SIDT1: variants seen among roughly 807,000 people sequenced by gnomAD.
SIDT1 encodes SID1 transmembrane family member 1.
In SIDT1, 101 loss-of-function variants were observed where a neutral mutation model predicts 107.5. The ratio of observed to expected loss-of-function variants is 0.94; its 90% CI spans 0.80 to 1.11. SIDT1 has a LOEUF of 1.11. SIDT1 is among the 50% of genes least tolerant of loss of function. The pLI, the probability that SIDT1 is intolerant of heterozygous loss-of-function variation, is 0.00. For synonymous variants in SIDT1, 395 were observed against 398.2 expected (o/e 0.99, Z 0.10); for missense variants, 1,076 against 1,058.2 (o/e 1.02, Z -0.23).
intron 2 of SIDT1, among the ~76,000 whole-genome samples, chr3:113,567,231 G>C (rs1020267570): frequency 2.0e-5 from 3 of 152,166 alleles, no homozygotes; most frequent in Admixed American, 2.0e-4. Flanking sequence ...TATCATGACA[G>C]TTTCCCCATC....
Position 113,584,752 on chromosome 3 carries a change from T to C in SIDT1, c.890T>C (p.Ile297Thr), listed in dbSNP as rs1442926456. ...CGAAAAAAGAACCTTGAAGTGACCA[T>C]TGTCCCTTCCATTAAAGGTCAGTGT... is the stretch of plus-strand genomic sequence containing the variant. ...LQRKKNLEVT[I>T]VPSIKESVYV... Residue 297 changes from isoleucine (I) to threonine (T), a missense_variant, in exon 8 of 25, where the codon ATT becomes ACT. Physicochemically the swap from Ile to Thr is moderately conservative, Grantham distance 89. Transcript: ENST00000264852. The C allele has an allele frequency of 3.1e-6, 5 of 1,595,214 alleles. No individual in the cohort carries two copies. Among genetic ancestry groups the C allele is most frequent in the Non-Finnish European group, 4.3e-6 (5 of 1,174,800 alleles).
chr3:113,575,308 C>G (rs758405345), intron 3 of SIDT1, among the ~76,000 whole-genome samples: 11 of 152,292 alleles, frequency 7.2e-5, no homozygotes, highest in Middle Eastern at 3.4e-3. Flanking sequence ...AGTCATGTCG[C>G]CAGCCAAGAA....
intron 14 of SIDT1, among the ~76,000 whole-genome samples, chr3:113,605,515 C>G (rs1945264189): frequency 6.6e-6 from 1 of 152,256 alleles, no homozygotes; most frequent in Non-Finnish European, 1.5e-5. Context: ...TTTTGTCTAC[C>G]AGTCTGAAAG....
intron 1 of SIDT1, among the ~76,000 whole-genome samples, chr3:113,565,652 C>G (rs1321415108): frequency 6.6e-6 from 1 of 152,176 alleles, no homozygotes; most frequent in East Asian, 1.9e-4. Context: ...TGTGTGTATT[C>G]AGAAAGACCC....
At chr3:113,541,980 A>T (rs1288556128) in intron 1 of SIDT1, among the ~76,000 whole-genome samples, 2 of 148,212 alleles carry the variant, frequency 1.3e-5, no homozygotes, top group Non-Finnish European at 3.0e-5. Context: ...TTGGAGTGCA[A>T]TGGCACGATC....
At chr3:113,559,848 T>A (rs1001988403) in intron 1 of SIDT1, among the ~76,000 whole-genome samples, 1 of 152,206 alleles carries the variant, frequency 6.6e-6, no homozygotes, top group Non-Finnish European at 1.5e-5. Context: ...ATATTTTGTC[T>A]GTTTTACATG....
chr3:113,549,687 C>A (rs1342383399), intron 1 of SIDT1, among the ~76,000 whole-genome samples: 1 of 152,156 alleles, frequency 6.6e-6, no homozygotes, highest in African/African-American at 2.4e-5. Context: ...TTCTCCCTGT[C>A]TGAGCCTTGC....
intron 9 of SIDT1, among the ~76,000 whole-genome samples, chr3:113,585,630 T>C (rs935546803): frequency 1.3e-5 from 2 of 152,226 alleles, no homozygotes; most frequent in Non-Finnish European, 1.5e-5. Context: ...CAGTTTATCC[T>C]AACATGGAGA....
intron 19 of SIDT1, among the ~76,000 whole-genome samples, chr3:113,613,321 C>T (rs1464345824): frequency 1.3e-5 from 2 of 152,210 alleles, no homozygotes; most frequent in Non-Finnish European, 2.9e-5. Flanking sequence ...GGCAGGTAGA[C>T]ACTTCTGGCT....
intron 10 of SIDT1, among the ~76,000 whole-genome samples, chr3:113,597,058 T>C (rs1340743529): frequency 6.6e-6 from 1 of 152,186 alleles, no homozygotes; most frequent in East Asian, 1.9e-4. Context: ...CTACTCTTCT[T>C]TTTCTAGTTT....
chr3:113,564,816 A>G (rs765446516), intron 1 of SIDT1, among the ~76,000 whole-genome samples: 1 of 152,128 alleles, frequency 6.6e-6, no homozygotes, highest in Non-Finnish European at 1.5e-5. Context: ...TATGGTGGCA[A>G]TTTTCAGCTG....
chr3:113,613,502 C>T (rs544201345), intron 19 of SIDT1, among the ~76,000 whole-genome samples: 3 of 152,196 alleles, frequency 2.0e-5, no homozygotes, highest in African/African-American at 4.8e-5. Context: ...AGCAATTGCT[C>T]GTTTTCAAAG....
rs1946178224 is a variant in SIDT1 at position 113,617,337 on chromosome 3, C to T, written c.2043+1161C>T. ...GTGTATTATATATTTCTATAGTGAG[C>T]CCAGAGCTCAGGGCCCTGGTCCCAG... is the stretch of plus-strand genomic sequence containing the variant. On this transcript the variant is annotated intron_variant, in intron 20 of 24. Transcript: ENST00000264852. 1.3e-5 allele frequency among the ~76,000 whole-genome samples: 2 copies of T among 152,174 alleles called. 1 individual carries two copies. The highest frequency in any genetic ancestry group is 4.8e-5 in the African/African-American group (2 of 41,450).
Position 113,608,210 on chromosome 3 carries a change from T to A in SIDT1, c.1595T>A (p.Phe532Tyr), listed in dbSNP as rs1576942108. The change falls in exon 16 of 25, where the codon TTT (phenylalanine) becomes TAT (tyrosine). Residue 532 changes from phenylalanine (F) to tyrosine (Y), a missense_variant. By Grantham distance (22) the Phe-to-Tyr change is conservative (BLOSUM62 3). Coordinates refer to ENST00000264852, the MANE Select transcript of SIDT1 (RefSeq NM_017699.3). ...AGAGCCCTGGAAGCCAAGGACATCT[T>A]TGCTGTGGTGAGGAAAGAGTGGGTA... Reference protein sequence around the residue: ...HRRALEAKDIFAVEYGIPKHF... With the variant: ...HRRALEAKDIYAVEYGIPKHF... 1 of 1,593,940 alleles carries A rather than the reference T, an allele frequency of 6.3e-7. No homozygotes were observed. The highest frequency in any genetic ancestry group is 2.2e-5 in the East Asian group (1 of 44,640).
chr3:113,611,320 G>A (rs1945723710), intron 18 of SIDT1, among the ~76,000 whole-genome samples, 176 bp downstream of exon 18: 1 of 152,090 alleles, frequency 6.6e-6, no homozygotes, highest in Non-Finnish European at 1.5e-5. Context: ...CCCACTCATG[G>A]CACACTTTTA....
chr3:113,556,498 C>T (rs1940871218), intron 1 of SIDT1, among the ~76,000 whole-genome samples: 1 of 152,088 alleles, frequency 6.6e-6, no homozygotes, highest in African/African-American at 2.4e-5. Flanking sequence ...CTTCGCTCAG[C>T]CAGCTGTAAC....
In SIDT1 at chr3:113,601,529, GTGT is replaced by G. The variant is rs954041792; in HGVS notation, c.1046-54_1046-52del. On this transcript the variant is annotated intron_variant, in intron 10 of 24. Transcript: ENST00000264852. ...CTGATGATTCAAGCTACTTAGAATAGTGTTGTTTTGTTTTAGCAACTGGACATA... is the reference window on the plus strand; with the variant it reads ...CTGATGATTCAAGCTACTTAGAATAGTGTTTTGTTTTAGCAACTGGACATA... 1.7e-5 allele frequency: 19 copies of G among 1,124,202 alleles called. No homozygotes were observed. The Admixed American group carries it at 2.7e-4, about 16-fold the overall frequency. The allele number at this position is 1,124,202 out of a possible 1,614,324, so 69.6% of individuals were successfully genotyped here. A position where few individuals can be genotyped will look rare whatever the true frequency, so the allele number is the denominator to read the frequency against.
intron 3 of SIDT1, among the ~76,000 whole-genome samples, chr3:113,568,464 G>A (rs1045013178): frequency 2.6e-5 from 4 of 151,674 alleles, no homozygotes; most frequent in Non-Finnish European, 5.9e-5. Context: ...CACGGTGGCG[G>A]GCACCTGTAA....
intron 1 of SIDT1, among the ~76,000 whole-genome samples, chr3:113,558,864 A>G (rs181591610): frequency 4.6e-5 from 7 of 152,340 alleles, no homozygotes; most frequent in Non-Finnish European, 8.8e-5. Flanking sequence ...CTGAGTATAT[A>G]TATTTTACTG....
Sources: gnomAD v4.1 joint callset for allele counts (sites outside exome capture counted in the v4.1 genomes callset) on GRCh38, gnomAD v4.1.1 for gene constraint, MANE v1.5 for transcripts, NCBI Gene and HGNC (gene_info 2026-07-23, HGNC 2026-07-21) for gene names.